RGL1: variants seen among roughly 807,000 people sequenced by gnomAD.
RGL1 encodes the protein ral guanine nucleotide dissociation stimulator-like 1.
Under a neutral mutation model 95.2 loss-of-function variants are expected in RGL1, and 24 were observed. That is an observed-to-expected ratio of 0.25 (90% CI 0.18 to 0.35). The LOEUF (loss-of-function observed/expected upper bound fraction) is 0.35, where lower values mean the gene tolerates loss of function less well. Among genes scored for constraint, RGL1 ranks in the 10% least tolerant of loss-of-function variants. RGL1 has a pLI of 1.00. For missense variants in RGL1, 715 were observed against 936.3 expected, an observed-to-expected ratio of 0.76 and a Z score of 3.08; for synonymous variants, 329 against 344.9, an observed-to-expected ratio of 0.95 and a Z score of 0.51.
At chr1:183,841,427 A>T (rs1664049485) in intron 2 of RGL1, among the ~76,000 whole-genome samples, 1 of 152,200 alleles carries the variant, frequency 6.6e-6, no homozygotes, top group Admixed American at 6.5e-5. Flanking sequence ...GTGACTTCCC[A>T]CCCAATATTA....
At chr1:183,651,785 A>G (rs774969214) in intron 1 of RGL1, among the ~76,000 whole-genome samples, 5 of 152,110 alleles carry the variant, frequency 3.3e-5, no homozygotes, top group Non-Finnish European at 7.4e-5. Flanking sequence ...CCTTCTAGAG[A>G]GCTGGATTTA....
intron 1 of RGL1, among the ~76,000 whole-genome samples, chr1:183,654,939 G>A (rs1360002767): frequency 6.6e-6 from 1 of 152,168 alleles, no homozygotes; most frequent in Admixed American, 6.5e-5. Context: ...ACTTCATCAG[G>A]AGGAAATGAA....
chr1:183,831,180 C>T (rs1354139462), intron 2 of RGL1, among the ~76,000 whole-genome samples: 2 of 152,024 alleles, frequency 1.3e-5, no homozygotes, highest in Non-Finnish European at 2.9e-5. Context: ...CAGAGGGGTG[C>T]TCTAGGGGGT....
chr1:183,661,253 A>C (rs1396589283), intron 1 of RGL1, among the ~76,000 whole-genome samples: 1 of 152,236 alleles, frequency 6.6e-6, no homozygotes, highest in Non-Finnish European at 1.5e-5. Context: ...CCTTCAAAAA[A>C]TTAATGAATC....
chr1:183,719,658 C>A (rs1489326000), intron 1 of RGL1, among the ~76,000 whole-genome samples: 1 of 152,202 alleles, frequency 6.6e-6, no homozygotes, highest in Admixed American at 6.5e-5. Context: ...ACAATCCCAG[C>A]ACTTTGGGAG....
chr1:183,802,029 A>G (rs977464345), upstream of RGL1, among the ~76,000 whole-genome samples: 5 of 152,192 alleles, frequency 3.3e-5, no homozygotes, highest in African/African-American at 7.2e-5. Flanking sequence ...AAACTATAGC[A>G]ATTTTCTTTA....
At chr1:183,764,627 A>G (rs1006442096) in intron 2 of RGL1, among the ~76,000 whole-genome samples, 1 of 152,112 alleles carries the variant, frequency 6.6e-6, no homozygotes, top group African/African-American at 2.4e-5. Context: ...TGATCTTTCT[A>G]TTTATCAGTT....
chr1:183,730,950 C>A (rs894418033), intron 1 of RGL1, among the ~76,000 whole-genome samples: 1 of 152,088 alleles, frequency 6.6e-6, no homozygotes, highest in African/African-American at 2.4e-5. Flanking sequence ...TTCTTTTTGT[C>A]CCGTCTGAAG....
chr1:183,782,136 T>C (rs1397609147), intron 2 of RGL1, among the ~76,000 whole-genome samples: 1 of 152,200 alleles, frequency 6.6e-6, no homozygotes, highest in Non-Finnish European at 1.5e-5. Flanking sequence ...GGATGTGGGT[T>C]CTATGAGGAT....
At chr1:183,648,868 G>T in intron 1 of RGL1, 1 of 1,051,982 alleles carries the variant, frequency 9.5e-7, no homozygotes, top group Non-Finnish European at 1.4e-6. Context: ...TGAAGACAGT[G>T]CATTAATTTA....
intron 2 of RGL1, among the ~76,000 whole-genome samples, chr1:183,822,613 AC>A (rs1271038807): frequency 6.6e-6 from 1 of 152,206 alleles, no homozygotes; most frequent in Non-Finnish European, 1.5e-5. Flanking sequence ...GACGAAAAGT[AC>A]TATGACTCCA....
At chr1:183,801,343 TG>T (rs1660981211), upstream of RGL1, among the ~76,000 whole-genome samples, 1 of 152,158 alleles carries the variant, frequency 6.6e-6, no homozygotes, top group South Asian at 2.1e-4. Flanking sequence ...ATTTTTAAAT[TG>T]GGTTTTTTTT....
chr1:183,723,073 A>G (rs1343053619), intron 1 of RGL1, among the ~76,000 whole-genome samples: 2 of 152,240 alleles, frequency 1.3e-5, no homozygotes, highest in Non-Finnish European at 2.9e-5. Context: ...AAGCACACCA[A>G]TGCAAAATTC....
At chr1:183,657,291 A>T (rs184348843) in intron 1 of RGL1, among the ~76,000 whole-genome samples, 1,979 of 152,174 alleles carry the variant, frequency 0.013, 53 homozygotes, top group African/African-American at 0.046. Context: ...TTCTTTTTTA[A>T]AAAATTTTAT....
At chr1:183,903,709 T>A (rs552482862) in intron 12 of RGL1, among the ~76,000 whole-genome samples, 2 of 152,054 alleles carry the variant, frequency 1.3e-5, no homozygotes, top group Non-Finnish European at 2.9e-5. Flanking sequence ...GTTAGAGAAG[T>A]ATATAGGTGG....
At chr1:183,845,093 A>G (rs990623620) in intron 2 of RGL1, among the ~76,000 whole-genome samples, 3 of 152,224 alleles carry the variant, frequency 2.0e-5, no homozygotes, top group African/African-American at 7.2e-5. Context: ...CAATATCATC[A>G]TTAGAGATCC....
At chr1:183,666,345 A>G (rs1050791871) in intron 1 of RGL1, among the ~76,000 whole-genome samples, 32 of 151,012 alleles carry the variant, frequency 2.1e-4, no homozygotes, top group African/African-American at 7.8e-4. Context: ...TTTTATATAT[A>G]TTTCCATCTA....
At chr1:183,846,618 G>A (rs921279934) in intron 2 of RGL1, among the ~76,000 whole-genome samples, 5 of 151,624 alleles carry the variant, frequency 3.3e-5, no homozygotes, top group African/African-American at 9.7e-5. Flanking sequence ...AGTGGCTCAC[G>A]CCTGTAATCA....
In RGL1 at chr1:183,761,540, C is replaced by T. The variant is rs77875730; in HGVS notation, c.132+19251C>T. On this transcript the variant is annotated intron_variant, in intron 2 of 18. Coordinates refer to the RGL1 transcript ENST00000304685. ...GTGCTATCATCTAGGCTTTATTGCTCCATTTATAGAGCACAGCCAGAATAG... is the reference window on the plus strand; with the variant it reads ...GTGCTATCATCTAGGCTTTATTGCTTCATTTATAGAGCACAGCCAGAATAG... Among the ~76,000 whole-genome samples, 283 of 152,216 alleles carry T rather than the reference C, an allele frequency of 1.9e-3. 6 individuals are homozygous for T. The East Asian group carries it at 0.042, about 23-fold the overall frequency.
Sources: gnomAD v4.1 joint callset for allele counts (sites outside exome capture counted in the v4.1 genomes callset) on GRCh38, gnomAD v4.1.1 for gene constraint, MANE v1.5 for transcripts, NCBI Gene and HGNC (gene_info 2026-07-23, HGNC 2026-07-21) for gene names.